SORCS3: variants seen among roughly 807,000 people sequenced by gnomAD.
SORCS3 encodes the protein VPS10 domain-containing receptor SorCS3.
In SORCS3, 57 loss-of-function variants were observed where a neutral mutation model predicts 146.3. The ratio of observed to expected loss-of-function variants is 0.39; its 90% CI spans 0.31 to 0.49. SORCS3 has a LOEUF of 0.49. Ranked by LOEUF, SORCS3 falls within the 20% of genes least tolerant of loss-of-function variation. The pLI is 0.92. For synonymous variants in SORCS3, 653 were observed against 618.5 expected, an observed-to-expected ratio of 1.06 and a Z score of -0.83; for missense variants, 1,341 against 1,575.5, an observed-to-expected ratio of 0.85 and a Z score of 2.52.
chr10:104,717,501 G>A (rs1054764106), intron 1 of SORCS3, among the ~76,000 whole-genome samples: 2 of 152,036 alleles, frequency 1.3e-5, no homozygotes, highest in Admixed American at 1.3e-4. Context: ...CTGTCTGTGT[G>A]AGCTGGTCTT....
chr10:104,765,670 T>C (rs2017171438), intron 1 of SORCS3, among the ~76,000 whole-genome samples: 1 of 152,198 alleles, frequency 6.6e-6, no homozygotes, highest in Admixed American at 6.5e-5. Flanking sequence ...TGCCGTTGGA[T>C]GGGGAGAAAT....
At chr10:104,933,996 C>T (rs1374685379) in intron 3 of SORCS3, among the ~76,000 whole-genome samples, 3 of 152,024 alleles carry the variant, frequency 2.0e-5, no homozygotes, top group East Asian at 1.9e-4. Flanking sequence ...GGTTTCACCA[C>T]GTTGGCCAGG....
chr10:104,909,739 C>A (rs536534579), intron 2 of SORCS3, among the ~76,000 whole-genome samples: 1 of 151,344 alleles, frequency 6.6e-6, no homozygotes, highest in African/African-American at 2.4e-5. Flanking sequence ...AGCTGCAGTT[C>A]AGCTCTACTG....
intron 3 of SORCS3, among the ~76,000 whole-genome samples, chr10:104,963,245 T>A (rs1218895128): frequency 1.3e-5 from 2 of 152,220 alleles, no homozygotes; most frequent in African/African-American, 4.8e-5. Flanking sequence ...TATTGCCACA[T>A]TGGTTTTCAG....
At chr10:104,797,766 T>C (rs1038277463) in intron 1 of SORCS3, among the ~76,000 whole-genome samples, 5 of 152,206 alleles carry the variant, frequency 3.3e-5, no homozygotes, top group African/African-American at 1.2e-4. Flanking sequence ...AAAATCCATC[T>C]AGCCTGAGTT....
At chr10:104,669,323 A>G (rs901208188) in intron 1 of SORCS3, among the ~76,000 whole-genome samples, 2 of 152,222 alleles carry the variant, frequency 1.3e-5, no homozygotes, top group Non-Finnish European at 2.9e-5. Flanking sequence ...ATGTTGTACC[A>G]GCGTCACCGC....
In SORCS3 at chr10:104,641,576, C is replaced by G. The variant is rs966658026; in HGVS notation, c.249C>G (p.Arg83=). ...CGCGGAGAGCCGCCGTGCTGGGGCGCCGGGCCGGACCAGAGCTGCTGCCCC... is the reference window on the plus strand; with the variant it reads ...CGCGGAGAGCCGCCGTGCTGGGGCGGCGGGCCGGACCAGAGCTGCTGCCCC... The part of the protein sequence containing the change: ...ASARRAAVLG[R]RAGPELLPQQ... Residue 83 remains arginine, a synonymous_variant, in exon 1 of 27, where the codon CGC becomes CGG. Transcript: ENST00000369701. The surrounding 1 kb of genome is among the most constrained non-coding windows in gnomAD (Gnocchi z 6.4). 1.4e-6 allele frequency: 2 copies of G among 1,476,572 alleles called. No homozygotes were observed. Among genetic ancestry groups the G allele is most frequent in the African/African-American group, 1.5e-5 (1 of 67,686 alleles). 91.5% of individuals were successfully genotyped at this position (1,476,572 alleles called of 1,614,324 possible).
intron 3 of SORCS3, among the ~76,000 whole-genome samples, chr10:104,972,544 G>T (rs1018229039): frequency 6.6e-6 from 1 of 152,138 alleles, no homozygotes; most frequent in African/African-American, 2.4e-5. Flanking sequence ...GCATGGCAGT[G>T]GGGGAGGGAG....
rs1463680544 is a variant in SORCS3, at chr10:105,084,306, T to TTGA, written c.1029-5469_1029-5468insTGA. Among the ~76,000 whole-genome samples, 556 of 152,354 alleles carry TTGA rather than the reference T, an allele frequency of 3.6e-3. 3 individuals are homozygous for TTGA. Among genetic ancestry groups the TTGA allele is most frequent in the South Asian group, 8.9e-3 (43 of 4,828 alleles). On this transcript the variant is annotated intron_variant, in intron 5 of 26. Coordinates refer to ENST00000369701, the MANE Select transcript of SORCS3 (RefSeq NM_014978.3). ...GCTTATAAACACCAAACACAATGCC[T>TTGA]GACACAGGAATGGTCTCAATACCCA...
At chr10:105,125,802 G>A (rs2055969819) in intron 7 of SORCS3, among the ~76,000 whole-genome samples, 1 of 152,026 alleles carries the variant, frequency 6.6e-6, no homozygotes, top group African/African-American at 2.4e-5. Context: ...TGGACCTCAA[G>A]CGATGTGACG....
intron 1 of SORCS3, among the ~76,000 whole-genome samples, chr10:104,801,319 C>T (rs997797398): frequency 5.9e-5 from 9 of 152,184 alleles, no homozygotes; most frequent in African/African-American, 2.2e-4. Context: ...AGGAAGGCAG[C>T]GTAGGGGAGT....
chr10:105,119,534 C>T (rs552034330), intron 7 of SORCS3, among the ~76,000 whole-genome samples: 1 of 152,312 alleles, frequency 6.6e-6, no homozygotes, highest in African/African-American at 2.4e-5. Context: ...GTCACAGACA[C>T]TCAATGCCTG....
intron 7 of SORCS3, among the ~76,000 whole-genome samples, chr10:105,138,385 G>A (rs983750575): frequency 4.6e-5 from 7 of 152,162 alleles, no homozygotes; most frequent in African/African-American, 1.4e-4. Flanking sequence ...CTCCCAGTAG[G>A]GCCTGTGGAT....
chr10:104,920,155 G>A (rs184412237), intron 3 of SORCS3, among the ~76,000 whole-genome samples: 3 of 152,160 alleles, frequency 2.0e-5, no homozygotes, highest in South Asian at 4.1e-4. Context: ...GTAGTCTCTC[G>A]TGGATTTTTG....
intron 3 of SORCS3, among the ~76,000 whole-genome samples, chr10:104,954,090 T>C (rs2019462184): frequency 6.6e-6 from 1 of 152,168 alleles, no homozygotes; most frequent in Non-Finnish European, 1.5e-5. Context: ...TATGTATATA[T>C]ATATTTGACC....
intron 1 of SORCS3, among the ~76,000 whole-genome samples, chr10:104,691,926 G>A (rs1234436382): frequency 6.6e-6 from 1 of 151,984 alleles, no homozygotes; most frequent in African/African-American, 2.4e-5. Context: ...TATTGTTGAG[G>A]TGAGATCTTG....
chr10:104,937,714 A>G (rs1028474551), intron 3 of SORCS3, among the ~76,000 whole-genome samples: 1 of 152,186 alleles, frequency 6.6e-6, no homozygotes, highest in Non-Finnish European at 1.5e-5. Flanking sequence ...GAGTCAATAC[A>G]AAAAGAATGA....
At chr10:105,158,529 G>A (rs1476478845) in intron 10 of SORCS3, among the ~76,000 whole-genome samples, 2 of 152,106 alleles carry the variant, frequency 1.3e-5, no homozygotes, top group East Asian at 1.9e-4. Flanking sequence ...CAGAATTGAT[G>A]GTCAAGATCA....
chr10:104,702,340 G>A (rs2016289557), intron 1 of SORCS3, among the ~76,000 whole-genome samples: 1 of 152,110 alleles, frequency 6.6e-6, no homozygotes, highest in Non-Finnish European at 1.5e-5. Context: ...CTGCAGTTCA[G>A]TGGCACGATT....
Sources: allele counts gnomAD v4.1 joint callset (sites outside exome capture counted in the v4.1 genomes callset), GRCh38; gene constraint gnomAD v4.1.1; non-coding constraint Gnocchi (gnomAD v3.1); transcripts MANE v1.5; gene names NCBI Gene and HGNC (gene_info 2026-07-23, HGNC 2026-07-21).